Variants in ERBB4 observed in about 807,000 individuals in gnomAD.
ERBB4 encodes erb-b2 receptor tyrosine kinase 4.
In ERBB4, 42 loss-of-function variants were observed where a neutral mutation model predicts 158.0. That is an observed-to-expected ratio of 0.27 (90% CI 0.21 to 0.34). The LOEUF is 0.34. Among genes scored for constraint, ERBB4 ranks in the 10% least tolerant of loss-of-function variants. The pLI, the probability that ERBB4 is intolerant of heterozygous loss-of-function variation, is 1.00. For synonymous variants in ERBB4, 583 were observed against 558.7 expected (o/e 1.04, Z -0.61); for missense variants, 1,333 against 1,624.1 (o/e 0.82, Z 3.08).
intron 1 of ERBB4, among the ~76,000 whole-genome samples, chr2:212,268,740 A>T (rs1176775657): frequency 1.3e-5 from 2 of 151,836 alleles, no homozygotes; most frequent in Non-Finnish European, 2.9e-5. Flanking sequence ...CTTTATTTAT[A>T]AAAAACAGCT....
intron 3 of ERBB4, among the ~76,000 whole-genome samples, chr2:211,857,726 G>T (rs896659560): frequency 6.6e-6 from 1 of 152,122 alleles, no homozygotes; most frequent in African/African-American, 2.4e-5. Context: ...TTTCATTCAG[G>T]TAAAGTCTAT....
intron 1 of ERBB4, among the ~76,000 whole-genome samples, chr2:212,529,214 T>TA (rs1263856925): frequency 6.6e-6 from 1 of 152,128 alleles, no homozygotes; most frequent in African/African-American, 2.4e-5. Context: ...GCTTATTGCT[T>TA]AAATTGATTA....
At chr2:212,501,110 A>C (rs1690864394) in intron 1 of ERBB4, among the ~76,000 whole-genome samples, 1 of 152,206 alleles carries the variant, frequency 6.6e-6, no homozygotes. Flanking sequence ...TGTACACAGC[A>C]AATAACACCA....
chr2:211,815,629 A>G (rs184403785), intron 3 of ERBB4, among the ~76,000 whole-genome samples: 111 of 152,302 alleles, frequency 7.3e-4, no homozygotes, highest in Non-Finnish European at 1.2e-3. Context: ...GGTGTATGTG[A>G]TAGTTAATAT....
intron 1 of ERBB4, among the ~76,000 whole-genome samples, chr2:212,157,593 A>T (rs1293660706): frequency 6.6e-6 from 1 of 152,092 alleles, no homozygotes; most frequent in Non-Finnish European, 1.5e-5. Context: ...CAGTAAGAAA[A>T]TTAATTCTGT....
intron 3 of ERBB4, among the ~76,000 whole-genome samples, chr2:211,883,974 A>G (rs2078730169): frequency 6.6e-6 from 1 of 152,192 alleles, no homozygotes; most frequent in African/African-American, 2.4e-5. Flanking sequence ...CAAATTTTAT[A>G]TAATATGAAA....
At chr2:211,883,035 C>G (rs1370476687) in intron 3 of ERBB4, among the ~76,000 whole-genome samples, 1 of 152,056 alleles carries the variant, frequency 6.6e-6, no homozygotes, top group Non-Finnish European at 1.5e-5. Context: ...TTCACAATAG[C>G]AAAGACCAAC....
At position 212,124,919 on chromosome 2, in the gene ERBB4, G is replaced by A. The variant is rs2125571892; in HGVS notation, c.83-16C>T. On this transcript the variant is annotated splice_polypyrimidine_tract_variant and intron_variant, in intron 1 of 27. Coordinates refer to ENST00000342788, the MANE Select transcript of ERBB4 (RefSeq NM_005235.3). ...CCTGCACACACTGCAAAGACAAGAA[G>A]ATACACGTGAAATTACATAACCTTT... The A allele has an allele frequency of 6.2e-7, 1 of 1,613,930 alleles. No individual in the cohort carries two copies. Among genetic ancestry groups the A allele is most frequent in the South Asian group, 1.1e-5 (1 of 91,076 alleles).
intron 20 of ERBB4, among the ~76,000 whole-genome samples, chr2:211,487,383 AATAG>A (rs199530496): frequency 9.2e-5 from 14 of 152,098 alleles, no homozygotes; most frequent in East Asian, 3.9e-4. Context: ...AAAATAAATA[AATAG>A]CAAATGTAAT....
chr2:211,452,921 GATAA>G (rs144208886), intron 20 of ERBB4, among the ~76,000 whole-genome samples: 3 of 152,176 alleles, frequency 2.0e-5, no homozygotes, highest in South Asian at 2.1e-4. Context: ...TCAACAAAAC[GATAA>G]ATAATTAGTC....
At chr2:211,409,776 A>G (rs912619390) in intron 25 of ERBB4, among the ~76,000 whole-genome samples, 1 of 152,136 alleles carries the variant, frequency 6.6e-6, no homozygotes, top group Non-Finnish European at 1.5e-5. Context: ...TAGACTTGAG[A>G]AACTGAAGCT....
chr2:211,422,653 T>G (rs999691908), intron 23 of ERBB4, among the ~76,000 whole-genome samples: 13 of 151,908 alleles, frequency 8.6e-5, no homozygotes, highest in Non-Finnish European at 1.9e-4. Context: ...AGACCTTATC[T>G]CTACAGGCTC....
intron 1 of ERBB4, among the ~76,000 whole-genome samples, chr2:212,377,257 C>T (rs954395507): frequency 2.7e-5 from 4 of 147,484 alleles, no homozygotes; most frequent in Non-Finnish European, 4.5e-5. Context: ...AATATATATA[C>T]AAAAATATAT....
At chr2:212,436,018 A>G (rs2092128151) in intron 1 of ERBB4, among the ~76,000 whole-genome samples, 1 of 151,952 alleles carries the variant, frequency 6.6e-6, no homozygotes, top group South Asian at 2.1e-4. Flanking sequence ...TAGAAAATTC[A>G]GTACATGGCC....
At chr2:212,277,660 T>C (rs2085594481) in intron 1 of ERBB4, among the ~76,000 whole-genome samples, 1 of 151,770 alleles carries the variant, frequency 6.6e-6, no homozygotes, top group African/African-American at 2.4e-5. Context: ...CAAAAAGACT[T>C]ACCACTGTAT....
At chr2:211,554,975 A>G (rs2067198835) in intron 20 of ERBB4, among the ~76,000 whole-genome samples, 1 of 152,158 alleles carries the variant, frequency 6.6e-6, no homozygotes, top group Non-Finnish European at 1.5e-5. Flanking sequence ...TGCTTGCCCA[A>G]CTTATTAGCA....
At chr2:212,488,940 C>T (rs1194440364) in intron 1 of ERBB4, among the ~76,000 whole-genome samples, 2 of 148,520 alleles carry the variant, frequency 1.3e-5, no homozygotes, top group Non-Finnish European at 3.0e-5. Context: ...GGAATAACTT[C>T]CCACTTCGCC....
At chr2:211,857,989 G>A (rs1313021143) in intron 3 of ERBB4, among the ~76,000 whole-genome samples, 13 of 152,148 alleles carry the variant, frequency 8.5e-5, no homozygotes, top group African/African-American at 1.2e-4. Flanking sequence ...TAGATGGCAC[G>A]ATGAATGTAA....
chr2:211,965,306 A>G (rs939586592), intron 2 of ERBB4, among the ~76,000 whole-genome samples: 1 of 152,224 alleles, frequency 6.6e-6, no homozygotes, highest in Non-Finnish European at 1.5e-5. Context: ...GTAAATATTC[A>G]TTTGATAAAT....
Sources: allele counts gnomAD v4.1 joint callset (sites outside exome capture counted in the v4.1 genomes callset), GRCh38; gene constraint gnomAD v4.1.1; transcripts MANE v1.5; gene names NCBI Gene and HGNC (gene_info 2026-07-23, HGNC 2026-07-21).